The following DOCK5 variants were observed in gnomAD, a reference collection of about 807,000 sequenced individuals.
DOCK5 encodes dedicator of cytokinesis 5.
Under a neutral mutation model 251.8 loss-of-function variants are expected in DOCK5, and 142 were observed. The ratio of observed to expected loss-of-function variants is 0.56; its 90% confidence interval spans 0.49 to 0.65. The LOEUF (loss-of-function observed/expected upper bound fraction) is 0.65. Among genes scored for constraint, DOCK5 ranks in the 30% least tolerant of loss-of-function variants. DOCK5 has a pLI of 0.00. For missense variants in DOCK5, 2,111 were observed against 2,312.3 expected, an observed-to-expected ratio of 0.91 and a Z score of 1.79; for synonymous variants, 842 against 835.5, an observed-to-expected ratio of 1.01 and a Z score of -0.13.
chr8:25,385,456 T>C (rs925032), intron 40 of DOCK5, among the ~76,000 whole-genome samples: 145,311 of 152,124 alleles, frequency 0.96, 69,658 homozygotes, highest in East Asian at 1. Context: ...GGTGAGGAAG[T>C]GAGAGTTGTC....
At chr8:25,327,653 G>A (rs1323342026) in intron 18 of DOCK5, among the ~76,000 whole-genome samples, 2 of 152,236 alleles carry the variant, frequency 1.3e-5, no homozygotes, top group Admixed American at 6.5e-5. Context: ...TCTTCTGAAT[G>A]TTCTTAACTA....
intron 26 of DOCK5, among the ~76,000 whole-genome samples, chr8:25,347,154 G>T (rs565498135): frequency 1.3e-5 from 2 of 152,148 alleles, no homozygotes; most frequent in African/African-American, 4.8e-5. Flanking sequence ...TAGCTAAACC[G>T]TTAGTTCACT....
Position 25,396,335 on chromosome 8 carries a change from T to C in DOCK5, c.4704+616T>C, listed in dbSNP as rs144095302. 4.7e-4 allele frequency among the ~76,000 whole-genome samples: 71 copies of C among 152,292 alleles called. 1 individual carries two copies. In the East Asian group the frequency reaches 0.011, roughly 23 times the overall value. On this transcript the variant is annotated intron_variant, in intron 45 of 51. Transcript: ENST00000276440. ...GGCAAAGGTTTCAGTAAGCCGAGATTGGGCCACTGCACTCCAGCTTGGGTG... is the reference window on the plus strand; with the variant it reads ...GGCAAAGGTTTCAGTAAGCCGAGATCGGGCCACTGCACTCCAGCTTGGGTG...
chr8:25,196,126 G>A (rs73556402), intron 1 of DOCK5, among the ~76,000 whole-genome samples: 21,821 of 152,222 alleles, frequency 0.14, 2,545 homozygotes, highest in African/African-American at 0.33. Context: ...GGGTGGGTGA[G>A]GACTTAGAAT....
chr8:25,210,036 ATGTGTGTG>A (rs780570238), intron 1 of DOCK5, among the ~76,000 whole-genome samples: 326 of 31,630 alleles, frequency 0.01, 62 homozygotes, highest in African/African-American at 0.013. Context: ...ATATATATAA[ATGTGTGTG>A]TGTGTGTGTG....
chr8:25,239,459 G>C (rs957493306), intron 1 of DOCK5, among the ~76,000 whole-genome samples: 1 of 151,750 alleles, frequency 6.6e-6, no homozygotes, highest in Non-Finnish European at 1.5e-5. Context: ...TCCAATGACC[G>C]GAACCAGGAA....
At chr8:25,341,374 GA>G (rs1237932369) in intron 23 of DOCK5, among the ~76,000 whole-genome samples, 1 of 152,060 alleles carries the variant, frequency 6.6e-6, no homozygotes, top group African/African-American at 2.4e-5. Flanking sequence ...TAAAAAATAT[GA>G]AATATATAAT....
chr8:25,257,752 T>G (rs1803455902), intron 2 of DOCK5, among the ~76,000 whole-genome samples: 1 of 152,120 alleles, frequency 6.6e-6, no homozygotes, highest in South Asian at 2.1e-4. Flanking sequence ...TTATAAAAAG[T>G]GGGCCTCATG....
chr8:25,187,210 A>C (rs1391714262), intron 1 of DOCK5, among the ~76,000 whole-genome samples: 2 of 148,436 alleles, frequency 1.3e-5, no homozygotes, highest in Non-Finnish European at 3.0e-5. Flanking sequence ...CAAAAAAAAA[A>C]CTATATATAC....
chr8:25,234,254 T>G (rs1563318321), intron 1 of DOCK5, among the ~76,000 whole-genome samples: 3 of 152,346 alleles, frequency 2.0e-5, no homozygotes, highest in East Asian at 3.9e-4. Context: ...CACAGTAACC[T>G]CTGGCATTTA....
At chr8:25,185,043 G>T (rs1242506613) in intron 1 of DOCK5, 92 bp downstream of exon 1, 3 of 1,243,402 alleles carry the variant, frequency 2.4e-6, no homozygotes, top group East Asian at 6.3e-5. Context: ...CCCGGCGGAG[G>T]ACCCTGGCCG....
chr8:25,389,714 A>C (rs934776896), intron 41 of DOCK5, among the ~76,000 whole-genome samples: 2 of 152,198 alleles, frequency 1.3e-5, no homozygotes, highest in African/African-American at 4.8e-5. Flanking sequence ...CATCTGTGAA[A>C]AGAGAATAAG....
chr8:25,348,516 C>T (rs1433100297), intron 26 of DOCK5, among the ~76,000 whole-genome samples: 1 of 152,180 alleles, frequency 6.6e-6, no homozygotes. Flanking sequence ...AGCCCACCTT[C>T]TAGGGAGATT....
chr8:25,236,624 A>G (rs1188262693), intron 1 of DOCK5, among the ~76,000 whole-genome samples: 1 of 152,100 alleles, frequency 6.6e-6, no homozygotes, highest in East Asian at 1.9e-4. Context: ...TCTGTTGCCC[A>G]GGCTGGAGTG....
Position 25,246,719 on chromosome 8 carries a change from T to C in DOCK5, c.127+2962T>C, listed in dbSNP as rs1401018693. ...CCATGTTAGTTTGTGTGTGTGTGTG[T>C]GTGTGTGTGTGTGTGTGTGTGTGTG... On this transcript the variant is annotated intron_variant, in intron 2 of 51. Coordinates refer to ENST00000276440, the MANE Select transcript of DOCK5 (RefSeq NM_024940.8). 1.8e-3 allele frequency among the ~76,000 whole-genome samples: 248 copies of C among 136,232 alleles called. 7 individuals carry two copies. Among genetic ancestry groups the C allele is most frequent in the African/African-American group, 6.7e-3 (220 of 32,634 alleles). 89.4% of individuals were successfully genotyped at this position (136,232 alleles called of 152,430 possible). A position where few individuals can be genotyped will look rare whatever the true frequency, so the allele number is the denominator to read the frequency against.
intron 7 of DOCK5, among the ~76,000 whole-genome samples, chr8:25,298,351 T>C (rs938730845): frequency 2.6e-5 from 4 of 152,190 alleles, no homozygotes; most frequent in African/African-American, 9.7e-5. Flanking sequence ...GTTTGTGCTT[T>C]TGAGCTTCAT....
intron 46 of DOCK5, 51 bp downstream of exon 46, chr8:25,400,045 C>A: frequency 1.4e-6 from 2 of 1,453,336 alleles, no homozygotes; most frequent in South Asian, 2.4e-5. Flanking sequence ...GTGTGGGACA[C>A]CCATTATTCT....
At chr8:25,302,159 A>C (rs777747539) in intron 9 of DOCK5, among the ~76,000 whole-genome samples, 166 bp from the exon 10 acceptor site, 3 of 152,230 alleles carry the variant, frequency 2.0e-5, no homozygotes, top group African/African-American at 7.2e-5. Context: ...TTCTGATGCC[A>C]TAATAGCTCT....
chr8:25,382,652 A>G (rs1801089865), intron 39 of DOCK5, 22 bp from the exon 40 acceptor site: 2 of 1,573,594 alleles, frequency 1.3e-6, no homozygotes, highest in Non-Finnish European at 1.7e-6. Flanking sequence ...CTCCCCTTGG[A>G]ATGTCTTGTT....
Sources: gnomAD v4.1 joint callset for allele counts (sites outside exome capture counted in the v4.1 genomes callset) on GRCh38, gnomAD v4.1.1 for gene constraint, MANE v1.5 for transcripts, NCBI Gene and HGNC (gene_info 2026-07-23, HGNC 2026-07-21) for gene names.